Variants in TMEM50A observed in about 807,000 individuals in gnomAD.
TMEM50A encodes the protein transmembrane protein 50A.
A neutral mutation model predicts 23.9 loss-of-function variants in TMEM50A; 8 were observed. The observed-to-expected ratio is 0.33, with a 90% CI of 0.20 to 0.60. The LOEUF is 0.60. TMEM50A is among the 20% of genes least tolerant of loss of function. The pLI is 0.81. For missense variants in TMEM50A, 178 were observed against 192.7 expected, an observed-to-expected ratio of 0.92 and a Z score of 0.45; for synonymous variants, 55 against 60.4, an observed-to-expected ratio of 0.91 and a Z score of 0.41.
chr1:25,347,881 G>A (rs1645235287), intron 3 of TMEM50A, among the ~76,000 whole-genome samples: 1 of 152,206 alleles, frequency 6.6e-6, no homozygotes. Context: ...TAATGATGCT[G>A]TTAGAATTCT....
chr1:25,355,447 A>G (rs992943475), intron 5 of TMEM50A, among the ~76,000 whole-genome samples: 34 of 152,244 alleles, frequency 2.2e-4, no homozygotes, highest in Admixed American at 1.3e-4. Flanking sequence ...CCCAGATACA[A>G]CTATTAATAC....
chr1:25,353,848 TTC>T (rs1369167134), intron 5 of TMEM50A, among the ~76,000 whole-genome samples: 1 of 152,218 alleles, frequency 6.6e-6, no homozygotes, highest in Non-Finnish European at 1.5e-5. Context: ...GTTATATATA[TTC>T]TGCTCATATT....
rs1247057205 is a variant in TMEM50A, at chr1:25,351,699, T to C, written c.274+6T>C. On this transcript the variant is annotated splice_donor_region_variant and intron_variant, in intron 4 of 6. Coordinates refer to ENST00000374358, the MANE Select transcript of TMEM50A (RefSeq NM_014313.4). ...AGGTTGTCTGGGTCAAACAGGTAAA[T>C]AGGTGCAAACAGCATCTTATTATAC... 6.2e-7 allele frequency: 1 copy of C among 1,611,746 alleles called. No homozygotes were observed. The highest frequency in any genetic ancestry group is 1.7e-5 in the Admixed American group (1 of 59,434).
intron 2 of TMEM50A, among the ~76,000 whole-genome samples, chr1:25,341,189 A>G (rs1645163692): frequency 6.6e-6 from 1 of 152,126 alleles, no homozygotes; most frequent in Non-Finnish European, 1.5e-5. Context: ...TAGGCTCTAA[A>G]GAGTAATTTT....
At chr1:25,357,018 G>A (rs1403588755) in intron 6 of TMEM50A, among the ~76,000 whole-genome samples, 165 bp downstream of exon 6, 1 of 152,062 alleles carries the variant, frequency 6.6e-6, no homozygotes, top group African/African-American at 2.4e-5. Context: ...TTAAATAGAT[G>A]AGTTGGTTTG....
intron 3 of TMEM50A, among the ~76,000 whole-genome samples, chr1:25,343,488 G>GA (rs1263866352): frequency 2.6e-5 from 4 of 152,050 alleles, no homozygotes; most frequent in African/African-American, 7.2e-5. Flanking sequence ...GTGCAAAGGA[G>GA]AAAAAATAGA....
rs368187708 is a variant in TMEM50A, at chr1:25,351,709, C to T, written c.274+16C>T. On this transcript the variant is annotated intron_variant, in intron 4 of 6. Coordinates refer to ENST00000374358, the MANE Select transcript of TMEM50A (RefSeq NM_014313.4). ...GGTCAAACAGGTAAATAGGTGCAAA[C>T]AGCATCTTATTATACATGCTTAAAT... 5 of 1,605,696 alleles carry T rather than the reference C, an allele frequency of 3.1e-6. No individual in the cohort carries two copies. In the African/African-American group the frequency reaches 4.0e-5, roughly 13 times the overall value.
At chr1:25,352,852 G>T (rs1305185938) in intron 4 of TMEM50A, 30 bp from the exon 5 acceptor site, 7 of 1,600,870 alleles carry the variant, frequency 4.4e-6, no homozygotes, top group Non-Finnish European at 6.0e-6. Flanking sequence ...CTATAAGAAA[G>T]AATTCTGGTA....
intron 1 of TMEM50A, among the ~76,000 whole-genome samples, chr1:25,339,618 A>G (rs1571794006): frequency 6.6e-6 from 1 of 152,190 alleles, no homozygotes; most frequent in East Asian, 1.9e-4. Flanking sequence ...TTAGAGAAAT[A>G]TTTTTCATTT....
chr1:25,340,378 C>G (rs1253746736), intron 1 of TMEM50A, 96 bp from the exon 2 acceptor site: 1 of 728,228 alleles, frequency 1.4e-6, no homozygotes, highest in Non-Finnish European at 2.2e-6. Context: ...TGTAATTTCA[C>G]TTTTATCTAA....
In TMEM50A at chr1:25,356,822, G is replaced by A. The variant is rs755820899; in HGVS notation, c.397G>A (p.Val133Ile). The A allele has an allele frequency of 2.5e-6, 4 of 1,590,352 alleles. No homozygotes were observed. The Admixed American group carries it at 7.4e-5, about 29-fold the overall frequency. Reference sequence around the variant, plus strand: ...AGACATAGTATACCCTGGAATTGCTGTATTTTTCCAGAATGCCTTCATCTT... The same window carrying A: ...AGACATAGTATACCCTGGAATTGCTATATTTTTCCAGAATGCCTTCATCTT... Reference protein sequence around the residue: ...EKDIVYPGIAVFFQNAFIFFG... With the variant: ...EKDIVYPGIAIFFQNAFIFFG... The change falls in exon 6 of 7, where the codon GTA becomes ATA. Residue 133 changes from valine to isoleucine, a missense_variant. Physicochemically the swap from Val to Ile is conservative, Grantham distance 29. Transcript: ENST00000374358.
At chr1:25,344,914 T>A (rs1012945310) in intron 3 of TMEM50A, among the ~76,000 whole-genome samples, 2 of 151,994 alleles carry the variant, frequency 1.3e-5, no homozygotes, top group African/African-American at 4.8e-5. Flanking sequence ...TATTATCACA[T>A]CTTTATTTTT....
intron 5 of TMEM50A, among the ~76,000 whole-genome samples, chr1:25,354,072 A>G (rs1262390429): frequency 6.6e-6 from 1 of 151,870 alleles, no homozygotes. Flanking sequence ...GCTTACTGCA[A>G]CCTCCACCTC....
intron 5 of TMEM50A, among the ~76,000 whole-genome samples, chr1:25,355,295 G>C (rs1337863263): frequency 6.6e-6 from 1 of 151,690 alleles, no homozygotes; most frequent in African/African-American, 2.4e-5. Context: ...GTAACAGTGG[G>C]AGACCCTCTC....
chr1:25,354,087 G>GCTCAAGCAATCCTCCCACTCAGC (rs1645307749), intron 5 of TMEM50A, among the ~76,000 whole-genome samples: 2 of 151,994 alleles, frequency 1.3e-5, no homozygotes, highest in African/African-American at 4.8e-5. Flanking sequence ...CACCTCCCAG[G>GCTCAAGCAATCCTCCCACTCAGC]CTCAAGCAAT....
chr1:25,339,373 A>C (rs537830643), intron 1 of TMEM50A, among the ~76,000 whole-genome samples: 57 of 152,338 alleles, frequency 3.7e-4, no homozygotes, highest in Non-Finnish European at 6.2e-4. Context: ...CTGAATTACT[A>C]TTAACCACGA....
chr1:25,340,006 G>A lies in TMEM50A; in HGVS notation c.-13-468G>A, dbSNP rs189301832. ...GGCTGGAGTGCAGTGGCACGATCTC[G>A]GCTCACTGCAACTTTCGACTCCCAG... On this transcript the variant is annotated intron_variant, in intron 1 of 6. Coordinates refer to ENST00000374358, the MANE Select transcript of TMEM50A (RefSeq NM_014313.4). Among the ~76,000 whole-genome samples, 11 of 152,084 alleles carry A rather than the reference G, an allele frequency of 7.2e-5. No individual in the cohort carries two copies. The East Asian group carries it at 1.9e-3, about 27-fold the overall frequency.
rs1409808353 is a variant in TMEM50A at position 25,356,838 on chromosome 1, C to T, written c.413C>T (p.Ala138Val). The T allele has an allele frequency of 1.9e-6, 3 of 1,586,870 alleles. No individual in the cohort carries two copies. Among genetic ancestry groups the T allele is most frequent in the South Asian group, 2.3e-5 (2 of 85,272 alleles). The change falls in exon 6 of 7, where the codon GCC becomes GTC. Residue 138 changes from alanine to valine, a missense_variant. Coordinates refer to ENST00000374358, the MANE Select transcript of TMEM50A (RefSeq NM_014313.4). The part of the protein sequence containing the change: ...YPGIAVFFQN[A>V]FIFFGGLVFK... ...GGAATTGCTGTATTTTTCCAGAATGCCTTCATCTTTTTTGGGTAAGTTTGT... is the reference window on the plus strand; with the variant it reads ...GGAATTGCTGTATTTTTCCAGAATGTCTTCATCTTTTTTGGGTAAGTTTGT...
intron 4 of TMEM50A, among the ~76,000 whole-genome samples, chr1:25,352,213 C>A (rs192096517): frequency 3.3e-5 from 5 of 151,914 alleles, no homozygotes; most frequent in Non-Finnish European, 7.4e-5. Flanking sequence ...GATCTGGGAG[C>A]GGCCGGGCAC....
Sources: allele counts gnomAD v4.1 joint callset (sites outside exome capture counted in the v4.1 genomes callset), GRCh38; gene constraint gnomAD v4.1.1; transcripts MANE v1.5; gene names NCBI Gene and HGNC (gene_info 2026-07-23, HGNC 2026-07-21).